Variants in GABRA2 observed in about 807,000 individuals in gnomAD.
The protein encoded by GABRA2 is gamma-aminobutyric acid receptor subunit alpha-2.
Under a neutral mutation model 48.7 loss-of-function variants are expected in GABRA2, and 16 were observed. The ratio of observed to expected loss-of-function variants is 0.33; its 90% CI spans 0.22 to 0.50. GABRA2 has a LOEUF of 0.50. Among genes scored for constraint, GABRA2 ranks in the 20% least tolerant of loss-of-function variants. The pLI, the probability that GABRA2 is intolerant of heterozygous loss-of-function variation, is 0.98. For missense variants in GABRA2, 275 were observed against 535.6 expected, an observed-to-expected ratio of 0.51 and a Z score of 4.80; for synonymous variants, 185 against 184.5, an observed-to-expected ratio of 1.00 and a Z score of -0.02.
chr4:46,348,995 T>C (rs1312023277), intron 3 of GABRA2, among the ~76,000 whole-genome samples: 2 of 151,948 alleles, frequency 1.3e-5, no homozygotes, highest in African/African-American at 4.8e-5. Context: ...ACCCTGATGA[T>C]CGAGCAGCCA....
At chr4:46,302,253 G>T (rs562891249) in intron 8 of GABRA2, among the ~76,000 whole-genome samples, 2 of 151,898 alleles carry the variant, frequency 1.3e-5, no homozygotes, top group Admixed American at 6.6e-5. Context: ...GAGAGACAGG[G>T]TCTTGCTATA....
chr4:46,342,609 G>A (rs1054989246), intron 3 of GABRA2, among the ~76,000 whole-genome samples: 8 of 152,012 alleles, frequency 5.3e-5, no homozygotes, highest in African/African-American at 1.4e-4. Flanking sequence ...TGCCTACGAG[G>A]CCCTTGTCAC....
chr4:46,312,558 A>G lies in GABRA2; in HGVS notation c.414T>C (p.Asn138=). The change falls in exon 5 of 10, where the codon AAT becomes AAC. Residue 138 remains asparagine, a synonymous_variant. Coordinates refer to ENST00000381620, the MANE Select transcript of GABRA2 (RefSeq NM_000807.4). ...GAAGCAACTTATTTGGCATTGTCAT[A>G]TTATGAGCTACTGATTTTTTCCCAT... is the stretch of plus-strand genomic sequence containing the variant. The part of the protein sequence containing the change: ...FHNGKKSVAH[N]MTMPNKLLRI... 6.2e-7 allele frequency: 1 copy of G among 1,604,262 alleles called. No homozygotes were observed. The highest frequency in any genetic ancestry group is 2.2e-5 in the East Asian group (1 of 44,492).
chr4:46,348,938 T>A (rs866933232), intron 3 of GABRA2, among the ~76,000 whole-genome samples: 6 of 150,900 alleles, frequency 4.0e-5, no homozygotes, highest in East Asian at 2.0e-4. Flanking sequence ...TAATAAAATT[T>A]AAAAAAAAAG....
chr4:46,333,212 TA>T (rs916774113), intron 3 of GABRA2, among the ~76,000 whole-genome samples: 2 of 152,054 alleles, frequency 1.3e-5, no homozygotes, highest in Non-Finnish European at 2.9e-5. Flanking sequence ...TTCAGTGACA[TA>T]AAAATAAAAA....
intron 3 of GABRA2, among the ~76,000 whole-genome samples, chr4:46,344,209 T>C (rs989306147): frequency 3.9e-5 from 6 of 151,956 alleles, no homozygotes; most frequent in African/African-American, 1.4e-4. Flanking sequence ...AGAGAGATAG[T>C]GACTAAAAGT....
chr4:46,312,007 G>C (rs1178259420), intron 5 of GABRA2, among the ~76,000 whole-genome samples: 2 of 152,170 alleles, frequency 1.3e-5, no homozygotes, highest in Non-Finnish European at 2.9e-5. Context: ...GCTGAGACAG[G>C]AGAATCACTA....
chr4:46,352,125 G>A (rs1735231891), intron 3 of GABRA2, among the ~76,000 whole-genome samples: 1 of 151,968 alleles, frequency 6.6e-6, no homozygotes. Context: ...TGCCTTCACT[G>A]AACTCAGAAC....
intron 8 of GABRA2, among the ~76,000 whole-genome samples, chr4:46,271,137 A>G (rs568129884): frequency 6.6e-6 from 1 of 151,996 alleles, no homozygotes; most frequent in Non-Finnish European, 1.5e-5. Flanking sequence ...AAGAAGGAGA[A>G]GTCTCAGAAA....
intron 4 of GABRA2, among the ~76,000 whole-genome samples, chr4:46,331,170 A>G (rs1270494469): frequency 6.6e-6 from 1 of 152,174 alleles, no homozygotes; most frequent in African/African-American, 2.4e-5. Context: ...TGTGCCTAAG[A>G]CCCAGAGTTG....
intron 4 of GABRA2, among the ~76,000 whole-genome samples, chr4:46,317,423 A>G (rs1728727715): frequency 6.6e-6 from 1 of 151,668 alleles, no homozygotes; most frequent in Admixed American, 6.6e-5. Flanking sequence ...GCTTTATAAT[A>G]TGGAACGATA....
At chr4:46,359,815 G>T (rs1456592792) in intron 3 of GABRA2, among the ~76,000 whole-genome samples, 2 of 152,010 alleles carry the variant, frequency 1.3e-5, no homozygotes, top group Non-Finnish European at 2.9e-5. Context: ...TACTCAGGAG[G>T]CTGAGGCAGG....
At chr4:46,388,493 A>G in intron 2 of GABRA2, 143 bp downstream of exon 2, 1 of 918,854 alleles carries the variant, frequency 1.1e-6, no homozygotes, top group Non-Finnish European at 1.7e-6. Context: ...ACAGTCTATT[A>G]CTTCATAGTT....
chr4:46,261,806 A>G, intron 9 of GABRA2, 120 bp downstream of exon 9: 2 of 848,054 alleles, frequency 2.4e-6, no homozygotes, highest in Non-Finnish European at 3.8e-6. Context: ...AGAAATTGAT[A>G]TGATTCAAAT....
chr4:46,375,286 G>T (rs1490562403), intron 3 of GABRA2, among the ~76,000 whole-genome samples: 1 of 152,048 alleles, frequency 6.6e-6, no homozygotes, highest in Non-Finnish European at 1.5e-5. Flanking sequence ...GATAAGATCT[G>T]TACCTCATGG....
intron 2 of GABRA2, among the ~76,000 whole-genome samples, chr4:46,387,919 G>A (rs1717690025): frequency 6.6e-6 from 1 of 152,062 alleles, no homozygotes; most frequent in Admixed American, 6.6e-5. Context: ...AAGAAAAGAT[G>A]TCCACTGATG....
rs139332180 is a variant in GABRA2 at position 46,267,282 on chromosome 4, T to G, written c.857-5154A>C. Among the ~76,000 whole-genome samples, 364 of 151,868 alleles carry G rather than the reference T, an allele frequency of 2.4e-3. 3 individuals carry two copies. The highest frequency in any genetic ancestry group is 8.5e-3 in the African/African-American group (352 of 41,184). Reference sequence around the variant, plus strand: ...TTATTTCAGTTATGATAATTTGAACTACAGAATTTCTAATTGTTTCAATTT... The same window carrying G: ...TTATTTCAGTTATGATAATTTGAACGACAGAATTTCTAATTGTTTCAATTT... On this transcript the variant is annotated intron_variant, in intron 8 of 9. Transcript: ENST00000381620.
chr4:46,255,175 A>G (rs1194328867), intron 9 of GABRA2, among the ~76,000 whole-genome samples: 1 of 151,670 alleles, frequency 6.6e-6, no homozygotes, highest in Non-Finnish European at 1.5e-5. Context: ...AGTTCCTAGC[A>G]TAGTTCCTGG....
At chr4:46,306,484 C>A (rs750711410) in intron 6 of GABRA2, among the ~76,000 whole-genome samples, 1 of 152,176 alleles carries the variant, frequency 6.6e-6, no homozygotes, top group Non-Finnish European at 1.5e-5. Flanking sequence ...TAGCCTTTCT[C>A]TGACAGTGGC....
Sources: allele counts gnomAD v4.1 joint callset (sites outside exome capture counted in the v4.1 genomes callset), GRCh38; gene constraint gnomAD v4.1.1; transcripts MANE v1.5; gene names NCBI Gene and HGNC (gene_info 2026-07-23, HGNC 2026-07-21).